The following DPP10 variants were observed in gnomAD, a reference collection of about 807,000 sequenced individuals.
The protein encoded by DPP10 is inactive dipeptidyl peptidase 10.
In DPP10, 33 loss-of-function variants were observed where a neutral mutation model predicts 120.9. That is an observed-to-expected ratio of 0.27 (90% confidence interval 0.21 to 0.37). DPP10 has a LOEUF of 0.37. DPP10 is among the 10% of genes least tolerant of loss of function. The pLI is 1.00. For missense variants in DPP10, 816 were observed against 942.8 expected (o/e 0.87, Z 1.76); for synonymous variants, 337 against 326.1 (o/e 1.03, Z -0.36).
intron 1 of DPP10, among the ~76,000 whole-genome samples, chr2:114,473,887 A>C (rs915579610): frequency 3.3e-5 from 5 of 152,310 alleles, no homozygotes; most frequent in Admixed American, 1.3e-4. Context: ...ATACATACAC[A>C]CACTTATATA....
At chr2:115,696,837 ATT>A (rs56811773) in intron 7 of DPP10, among the ~76,000 whole-genome samples, 5 of 152,118 alleles carry the variant, frequency 3.3e-5, no homozygotes, top group African/African-American at 4.8e-5. Context: ...TGTATTTCAC[ATT>A]TTTTTTAGAC....
chr2:114,769,052 G>A (rs1322244862), intron 1 of DPP10, among the ~76,000 whole-genome samples: 1 of 152,056 alleles, frequency 6.6e-6, no homozygotes, highest in African/African-American at 2.4e-5. Context: ...TGGAATAGTA[G>A]GGTCATCTCT....
chr2:114,648,930 C>T lies in DPP10; in HGVS notation c.60+206092C>T, dbSNP rs555153129. 2.0e-5 allele frequency among the ~76,000 whole-genome samples: 3 copies of T among 152,292 alleles called. No individual in the cohort carries two copies. The South Asian group carries it at 6.2e-4, about 32-fold the overall frequency. On this transcript the variant is annotated intron_variant, in intron 1 of 25. Transcript: ENST00000410059. ...TATGCCAAATTTTCTCCAATCCTTT[C>T]TGTAATTCCTCTGTAGACGTGCAAG...
chr2:114,933,033 A>G (rs1010515928), intron 1 of DPP10, among the ~76,000 whole-genome samples: 4 of 152,160 alleles, frequency 2.6e-5, no homozygotes, highest in African/African-American at 9.7e-5. Flanking sequence ...CAACACACCT[A>G]CTTCTTGAAG....
At chr2:114,495,110 G>C (rs554855215) in intron 1 of DPP10, among the ~76,000 whole-genome samples, 1 of 152,170 alleles carries the variant, frequency 6.6e-6, no homozygotes, top group East Asian at 1.9e-4. Context: ...ATTTGCTAAG[G>C]ATTATAGAAA....
intron 3 of DPP10, among the ~76,000 whole-genome samples, chr2:115,398,949 A>G (rs1308899730): frequency 6.6e-6 from 1 of 152,144 alleles, no homozygotes; most frequent in Non-Finnish European, 1.5e-5. Context: ...TAATTTTCCT[A>G]TGGCTGCTGT....
chr2:115,522,570 T>G (rs2077878728), intron 4 of DPP10, among the ~76,000 whole-genome samples: 1 of 152,236 alleles, frequency 6.6e-6, no homozygotes, highest in Non-Finnish European at 1.5e-5. Context: ...CTTGCTTAAT[T>G]CATCTAGTTA....
At chr2:114,946,949 C>T (rs1443263966) in intron 1 of DPP10, among the ~76,000 whole-genome samples, 1 of 151,994 alleles carries the variant, frequency 6.6e-6, no homozygotes, top group Non-Finnish European at 1.5e-5. Flanking sequence ...GTTAAATGTA[C>T]ATTAAATTTC....
chr2:115,333,154 A>G (rs1574459918), intron 2 of DPP10, among the ~76,000 whole-genome samples: 2 of 152,064 alleles, frequency 1.3e-5, no homozygotes, highest in Non-Finnish European at 2.9e-5. Context: ...TTCTTGTTGA[A>G]TTGATCCCTT....
At chr2:114,670,700 T>C (rs1229870922) in intron 1 of DPP10, among the ~76,000 whole-genome samples, 1 of 152,064 alleles carries the variant, frequency 6.6e-6, no homozygotes, top group East Asian at 1.9e-4. Context: ...AAAAATTATT[T>C]TTATCTAATC....
intron 1 of DPP10, among the ~76,000 whole-genome samples, chr2:114,566,872 T>A (rs2104983858): frequency 6.6e-6 from 1 of 152,346 alleles, no homozygotes; most frequent in East Asian, 1.9e-4. Context: ...GTTAGATTTG[T>A]AAGATCCCTC....
intron 1 of DPP10, among the ~76,000 whole-genome samples, chr2:115,230,905 A>G (rs943536426): frequency 6.6e-6 from 1 of 152,050 alleles, no homozygotes; most frequent in Non-Finnish European, 1.5e-5. Context: ...CTGGCACACC[A>G]TAGTTGGAAA....
At chr2:115,436,092 T>A (rs938425930) in intron 3 of DPP10, among the ~76,000 whole-genome samples, 2 of 151,802 alleles carry the variant, frequency 1.3e-5, no homozygotes, top group African/African-American at 4.8e-5. Flanking sequence ...ATAGTGGAAA[T>A]GTTAGGTCAA....
chr2:114,598,036 TA>T (rs1251422364), intron 1 of DPP10, among the ~76,000 whole-genome samples: 2 of 151,866 alleles, frequency 1.3e-5, no homozygotes, highest in Non-Finnish European at 2.9e-5. Flanking sequence ...CTTCCAAAGG[TA>T]AATGAAACTG....
At chr2:115,070,693 A>G (rs187105279) in intron 1 of DPP10, among the ~76,000 whole-genome samples, 3 of 152,288 alleles carry the variant, frequency 2.0e-5, no homozygotes, top group Admixed American at 2.0e-4. Context: ...GATATAGCAT[A>G]TGGGTTCATT....
chr2:114,886,479 T>A (rs2106621874), intron 1 of DPP10, among the ~76,000 whole-genome samples: 1 of 152,324 alleles, frequency 6.6e-6, no homozygotes, highest in Admixed American at 6.5e-5. Flanking sequence ...ACAAGATAGA[T>A]TCACTTTTAA....
chr2:115,403,678 A>G (rs1419719880), intron 3 of DPP10, among the ~76,000 whole-genome samples: 3 of 152,126 alleles, frequency 2.0e-5, no homozygotes, highest in African/African-American at 7.2e-5. Flanking sequence ...TGCTGAGATT[A>G]TAGGCATGAG....
chr2:114,981,047 A>G (rs1700058683), intron 1 of DPP10, among the ~76,000 whole-genome samples: 4 of 151,468 alleles, frequency 2.6e-5, no homozygotes, highest in African/African-American at 9.7e-5. Context: ...GTATGGAGAC[A>G]GGTGTTATCA....
At chr2:114,847,623 C>T (rs948795725) in intron 1 of DPP10, among the ~76,000 whole-genome samples, 4 of 152,254 alleles carry the variant, frequency 2.6e-5, no homozygotes, top group African/African-American at 7.2e-5. Context: ...GCAGAGATTA[C>T]GTGAGTGTAT....
Sources: gnomAD v4.1 joint callset for allele counts (sites outside exome capture counted in the v4.1 genomes callset) on GRCh38, gnomAD v4.1.1 for gene constraint, MANE v1.5 for transcripts, NCBI Gene and HGNC (gene_info 2026-07-23, HGNC 2026-07-21) for gene names.